FOXK1: variants seen among roughly 807,000 people sequenced by gnomAD.
FOXK1 encodes forkhead box K1, also known as forkhead box protein K1.
In FOXK1, 19 loss-of-function variants were observed where a neutral mutation model predicts 51.9. The observed-to-expected ratio is 0.37, with a 90% CI of 0.26 to 0.54. The LOEUF is 0.54. Ranked by LOEUF, FOXK1 falls within the 20% of genes least tolerant of loss-of-function variation. FOXK1 has a pLI of 0.87. For synonymous variants in FOXK1, 537 were observed against 482.6 expected (o/e 1.11, Z -1.48); for missense variants, 870 against 1,032.7 (o/e 0.84, Z 2.16).
At position 4,709,764 on chromosome 7, in the gene FOXK1, T is replaced by G. The variant is rs568540006; in HGVS notation, c.560+26896T>G. On this transcript the variant is annotated intron_variant, in intron 1 of 8. Transcript: ENST00000328914. The surrounding 1 kb of genome is among the most constrained non-coding windows in gnomAD (Gnocchi z 5.6). ...ACAGTGTCATGATAATTCTTGGCGTTGAGTGACCTCACGATGTGCTGTCCG... is the reference window on the plus strand; with the variant it reads ...ACAGTGTCATGATAATTCTTGGCGTGGAGTGACCTCACGATGTGCTGTCCG... Among the ~76,000 whole-genome samples, 261 of 152,352 alleles carry G rather than the reference T, an allele frequency of 1.7e-3. No homozygotes were observed. Among genetic ancestry groups the G allele is most frequent in the Non-Finnish European group, 2.8e-3 (189 of 68,040 alleles).
chr7:4,715,246 G>A lies in FOXK1; in HGVS notation c.561-25592G>A, dbSNP rs1024363639. Among the ~76,000 whole-genome samples, 3 of 152,192 alleles carry A rather than the reference G, an allele frequency of 2.0e-5. No individual in the cohort carries two copies. The highest frequency in any genetic ancestry group is 4.4e-5 in the Non-Finnish European group (3 of 68,030). On this transcript the variant is annotated intron_variant, in intron 1 of 8. Transcript: ENST00000328914. This position sits in a 1 kb window ranked among gnomAD's most constrained non-coding sequence, Gnocchi z 4.5. The stretch of plus-strand genomic sequence containing the variant: ...TGATGATATCGGGCATGGCGAAATT[G>A]TGATACGGTGCATGGTGTTTTGTTT...
rs1434651287 is a variant in FOXK1, at chr7:4,755,007, T to C, written c.904-230T>C. 1 of 581,442 alleles carries C rather than the reference T, an allele frequency of 1.7e-6. No homozygotes were observed. Among genetic ancestry groups the C allele is most frequent in the African/African-American group, 1.9e-5 (1 of 53,606 alleles). 36.0% of individuals were successfully genotyped at this position (581,442 alleles called of 1,614,324 possible). On this transcript the variant is annotated intron_variant, in intron 3 of 8. Transcript: ENST00000328914. The surrounding 1 kb of genome is among the most constrained non-coding windows in gnomAD (Gnocchi z 6.6). ...TTGATTTCTGGAAGAGGTGAGAAAT[T>C]TCAGAATTAAATTATAATAAAACCG...
In FOXK1 at chr7:4,755,438, C is replaced by T; in HGVS notation, c.1050+55C>T. The T allele has an allele frequency of 6.3e-7, 1 of 1,594,892 alleles. No homozygotes were observed. The highest frequency in any genetic ancestry group is 8.6e-7 in the Non-Finnish European group (1 of 1,168,336). On this transcript the variant is annotated intron_variant, in intron 4 of 8. Transcript: ENST00000328914. This position sits in a 1 kb window ranked among gnomAD's most constrained non-coding sequence, Gnocchi z 6.6. ...CTCTGAAGGCCCTTAGAACATGGAA[C>T]TCACAGGCATATTGCTTCCCTTAAA...
chr7:4,691,420 C>T (rs868830632), intron 1 of FOXK1, among the ~76,000 whole-genome samples: 20 of 152,276 alleles, frequency 1.3e-4, no homozygotes, highest in South Asian at 2.1e-4. Flanking sequence ...CTGCAGCCTC[C>T]GCCTCCTGGG....
At chr7:4,704,613 A>C (rs972529969) in intron 1 of FOXK1, among the ~76,000 whole-genome samples, 8 of 152,112 alleles carry the variant, frequency 5.3e-5, no homozygotes, top group African/African-American at 1.9e-4. Flanking sequence ...GCTGGGATCC[A>C]CGCAGCACGC....
Position 4,743,443 on chromosome 7 carries a change from G to A in FOXK1, c.746+2420G>A, listed in dbSNP as rs140469289. Among the ~76,000 whole-genome samples the A allele has an allele frequency of 0.018, 2,736 of 152,204 alleles. 76 individuals carry two copies. Among genetic ancestry groups the A allele is most frequent in the African/African-American group, 0.062 (2,581 of 41,520 alleles). On this transcript the variant is annotated intron_variant, in intron 2 of 8. Coordinates refer to ENST00000328914, the MANE Select transcript of FOXK1 (RefSeq NM_001037165.2). This position sits in a 1 kb window ranked among gnomAD's most constrained non-coding sequence, Gnocchi z 5.3. ...CATATGTCTGTAATCCCAGCTACTC[G>A]GGAGGCTGAGGCAGGAGACTGGCTT... is the stretch of plus-strand genomic sequence containing the variant.
At chr7:4,736,820 T>C (rs1780558716) in intron 1 of FOXK1, among the ~76,000 whole-genome samples, 1 of 152,150 alleles carries the variant, frequency 6.6e-6, no homozygotes, top group Non-Finnish European at 1.5e-5. Flanking sequence ...TTAGGGTGAG[T>C]GGTTCTAAAC....
rs75547826 is a variant in FOXK1, at chr7:4,735,860, A to G, written c.561-4978A>G. Among the ~76,000 whole-genome samples the G allele has an allele frequency of 0.038, 5,838 of 152,294 alleles. 190 individuals are homozygous for G. Among genetic ancestry groups the G allele is most frequent in the Middle Eastern group, 0.088 (26 of 294 alleles). On this transcript the variant is annotated intron_variant, in intron 1 of 8. Transcript: ENST00000328914. The surrounding 1 kb of genome is among the most constrained non-coding windows in gnomAD (Gnocchi z 4.7). ...CCCTGAGCATGCTGGGGAAACATCT[A>G]TTTAAAAATCAAGCCAGGTGCAGCG...
intron 2 of FOXK1, 129 bp downstream of exon 2, chr7:4,741,152 G>T: frequency 1.6e-6 from 1 of 629,184 alleles, no homozygotes; most frequent in South Asian, 2.8e-5. Flanking sequence ...TACAGAAAGT[G>T]TTGTACGTCC....
rs370821177 is a variant in FOXK1, at chr7:4,757,207, C to T, written c.1244+20C>T. The T allele has an allele frequency of 4.5e-6, 7 of 1,568,852 alleles. No homozygotes were observed. Among genetic ancestry groups the T allele is most frequent in the South Asian group, 2.3e-5 (2 of 85,414 alleles). Reference sequence around the variant, plus strand: ...CTCAAGGTAAAGTTCTCTGAGCGCCCGTCCTCCAGCTGTTAGGAAAGCTGA... The same window carrying T: ...CTCAAGGTAAAGTTCTCTGAGCGCCTGTCCTCCAGCTGTTAGGAAAGCTGA... On this transcript the variant is annotated intron_variant, in intron 5 of 8. Coordinates refer to ENST00000328914, the MANE Select transcript of FOXK1 (RefSeq NM_001037165.2).
rs1780624426 is a variant in FOXK1 at position 4,740,849 on chromosome 7, G to A, written c.572G>A (p.Arg191Gln). Residue 191 changes from arginine (R) to glutamine (Q), a missense_variant, in exon 2 of 9, where the codon CGG becomes CAG. By Grantham distance (43) the Arg-to-Gln change is conservative. This residue lies in a region of FOXK1 where 399 missense variants were observed against 475.6 expected (regional missense o/e 0.84). Coordinates refer to ENST00000328914, the MANE Select transcript of FOXK1 (RefSeq NM_001037165.2). ...TCCTCCTGTTGCAGGTGTACCTTCC[G>A]GTTTCCCAGCACGGCCATCAAGATC... ...ALQLPKQCTF[R>Q]FPSTAIKIQF... 3.1e-6 allele frequency: 5 copies of A among 1,592,692 alleles called. No individual in the cohort carries two copies. Among genetic ancestry groups the A allele is most frequent in the East Asian group, 2.4e-5 (1 of 42,120 alleles).
chr7:4,709,786 T>G lies in FOXK1; in HGVS notation c.560+26918T>G, dbSNP rs1780151558. On this transcript the variant is annotated intron_variant, in intron 1 of 8. Transcript: ENST00000328914. This position sits in a 1 kb window ranked among gnomAD's most constrained non-coding sequence, Gnocchi z 5.6. ...CGTTGAGTGACCTCACGATGTGCTG[T>G]CCGTCTTCTCGCTGTTCAGCCAGCA... Among the ~76,000 whole-genome samples, 1 of 152,194 alleles carries G rather than the reference T, an allele frequency of 6.6e-6. No individual in the cohort carries two copies. Among genetic ancestry groups the G allele is most frequent in the Non-Finnish European group, 1.5e-5 (1 of 68,036 alleles).
At chr7:4,693,028 T>C (rs1467173863) in intron 1 of FOXK1, among the ~76,000 whole-genome samples, 3 of 152,222 alleles carry the variant, frequency 2.0e-5, no homozygotes, top group African/African-American at 7.2e-5. Flanking sequence ...TATCCTTAAG[T>C]CATCCTCTGC....
rs1013737011 is a variant in FOXK1, at chr7:4,753,560, G to A, written c.747-899G>A. Among the ~76,000 whole-genome samples the A allele has an allele frequency of 1.3e-5, 2 of 152,226 alleles. No individual in the cohort carries two copies. The highest frequency in any genetic ancestry group is 1.5e-5 in the Non-Finnish European group (1 of 68,032). ...AGGGTCCATCTCAGGACGGGGCTAG[G>A]TGGGTGCCCGTGAGCTCAGGACAGT... On this transcript the variant is annotated intron_variant, in intron 2 of 8. Coordinates refer to ENST00000328914, the MANE Select transcript of FOXK1 (RefSeq NM_001037165.2). The surrounding 1 kb of genome is among the most constrained non-coding windows in gnomAD (Gnocchi z 4.9).
chr7:4,693,225 G>A (rs1779915708), intron 1 of FOXK1, among the ~76,000 whole-genome samples: 1 of 152,032 alleles, frequency 6.6e-6, no homozygotes, highest in Admixed American at 6.6e-5. Flanking sequence ...TTATCCTGAG[G>A]TTCAGCTGAT....
Position 4,722,306 on chromosome 7 carries a change from C to T in FOXK1, c.561-18532C>T, listed in dbSNP as rs1334750435. Among the ~76,000 whole-genome samples, 1 of 152,248 alleles carries T rather than the reference C, an allele frequency of 6.6e-6. No homozygotes were observed. The highest frequency in any genetic ancestry group is 1.5e-5 in the Non-Finnish European group (1 of 68,042). ...GCCTCAGATTCCAAAATCTGTTGTTCTAGAAACTCTCTAAGGTTTTACCCA... is the reference window on the plus strand; with the variant it reads ...GCCTCAGATTCCAAAATCTGTTGTTTTAGAAACTCTCTAAGGTTTTACCCA... On this transcript the variant is annotated intron_variant, in intron 1 of 8. Coordinates refer to ENST00000328914, the MANE Select transcript of FOXK1 (RefSeq NM_001037165.2). The surrounding 1 kb of genome is among the most constrained non-coding windows in gnomAD (Gnocchi z 5.1).
Position 4,709,936 on chromosome 7 carries a change from G to A in FOXK1, c.560+27068G>A, listed in dbSNP as rs533978529. Among the ~76,000 whole-genome samples, 2 of 152,342 alleles carry A rather than the reference G, an allele frequency of 1.3e-5. No individual in the cohort carries two copies. The highest frequency in any genetic ancestry group is 4.8e-5 in the African/African-American group (2 of 41,580). On this transcript the variant is annotated intron_variant, in intron 1 of 8. Transcript: ENST00000328914. The surrounding 1 kb of genome is among the most constrained non-coding windows in gnomAD (Gnocchi z 5.6). The stretch of plus-strand genomic sequence containing the variant: ...CACGGAAGAACACGGAAGCCTGTGT[G>A]TTAGGCGTTAACATTGTTCCCGCGT...
rs964553293 is a variant in FOXK1, at chr7:4,723,660, C to T, written c.561-17178C>T. Reference sequence around the variant, plus strand: ...AGGAAGCTTTTCCTTTCTCTCAAAACAGTTACTACCAATGTTTGTTTATTT... The same window carrying T: ...AGGAAGCTTTTCCTTTCTCTCAAAATAGTTACTACCAATGTTTGTTTATTT... On this transcript the variant is annotated intron_variant, in intron 1 of 8. Transcript: ENST00000328914. The surrounding 1 kb of genome is among the most constrained non-coding windows in gnomAD (Gnocchi z 4.7). Among the ~76,000 whole-genome samples the T allele has an allele frequency of 1.3e-5, 2 of 152,160 alleles. No individual in the cohort carries two copies. Among genetic ancestry groups the T allele is most frequent in the African/African-American group, 4.8e-5 (2 of 41,440 alleles).
intron 1 of FOXK1, among the ~76,000 whole-genome samples, chr7:4,716,733 T>C (rs771852596): frequency 1.4e-4 from 21 of 152,178 alleles, no homozygotes; most frequent in Non-Finnish European, 2.6e-4. Context: ...CCTTGGAAGC[T>C]GTGTGAGAGG....
Sources: gnomAD v4.1 joint callset for allele counts (sites outside exome capture counted in the v4.1 genomes callset) on GRCh38, gnomAD v4.1.1 for gene constraint, gnomAD v4.1.1 regional missense constraint, Gnocchi (gnomAD v3.1) non-coding constraint, MANE v1.5 for transcripts, NCBI Gene and HGNC (gene_info 2026-07-23, HGNC 2026-07-21) for gene names.